The following SSH2 variants were observed in gnomAD, a reference collection of about 807,000 sequenced individuals.
The protein encoded by SSH2 is protein phosphatase Slingshot homolog 2.
In SSH2, 37 loss-of-function variants were observed where a neutral mutation model predicts 135.2. The ratio of observed to expected loss-of-function variants is 0.27; its 90% confidence interval spans 0.21 to 0.36. The LOEUF is 0.36. Ranked by LOEUF, SSH2 falls within the 10% of genes least tolerant of loss-of-function variation. The pLI, the probability that SSH2 is intolerant of heterozygous loss-of-function variation, is 1.00. For missense variants in SSH2, 1,408 were observed against 1,765.3 expected, an observed-to-expected ratio of 0.80 and a Z score of 3.63; for synonymous variants, 628 against 646.2, an observed-to-expected ratio of 0.97 and a Z score of 0.43.
chr17:29,755,950 C>T (rs1407580718), intron 3 of SSH2, among the ~76,000 whole-genome samples: 1 of 148,398 alleles, frequency 6.7e-6, no homozygotes, highest in Admixed American at 6.7e-5. Context: ...GGTGAGCCAC[C>T]GCGCCAGCTA....
chr17:29,734,531 CT>C (rs1356678808), intron 3 of SSH2, among the ~76,000 whole-genome samples: 3 of 152,298 alleles, frequency 2.0e-5, no homozygotes, highest in East Asian at 3.9e-4. Flanking sequence ...GTCTTCATCC[CT>C]AAACCTCCTA....
At position 29,636,437 on chromosome 17, in the gene SSH2, T is replaced by G; in HGVS notation, c.1793A>C (p.His598Pro). The G allele has an allele frequency of 1.9e-6, 3 of 1,614,234 alleles. No individual in the cohort carries two copies. Among genetic ancestry groups the G allele is most frequent in the Non-Finnish European group, 2.5e-6 (3 of 1,180,038 alleles). Residue 598 changes from histidine to proline, a missense_variant, in exon 15 of 16, where the codon CAT (histidine) becomes CCT (proline). Physicochemically the swap from His to Pro is moderately conservative, Grantham distance 77 (BLOSUM62 -2). Transcript: ENST00000540801. ...AGGCTGAATTAAGGCTTTGGATGCATGGCAATTGTCAAGAGGAAATTTTGA... is the reference window on the plus strand; with the variant it reads ...AGGCTGAATTAAGGCTTTGGATGCAGGGCAATTGTCAAGAGGAAATTTTGA... Reference protein sequence around the residue: ...NESKFPLDNCHASKALIQPGH... With the variant: ...NESKFPLDNCPASKALIQPGH...
intron 14 of SSH2, among the ~76,000 whole-genome samples, chr17:29,637,140 C>T (rs1371539238): frequency 1.3e-5 from 2 of 152,048 alleles, no homozygotes; most frequent in East Asian, 1.9e-4. Context: ...TTCAGAGTCT[C>T]GCTTTGTTGC....
intron 2 of SSH2, among the ~76,000 whole-genome samples, chr17:29,829,972 T>C (rs1432453603): frequency 1.3e-5 from 2 of 151,850 alleles, no homozygotes; most frequent in African/African-American, 2.4e-5. Context: ...CCCGAGTAGC[T>C]GGGACTACAG....
chr17:29,896,721 C>G (rs2066451998), intron 1 of SSH2, among the ~76,000 whole-genome samples: 1 of 151,462 alleles, frequency 6.6e-6, no homozygotes, highest in African/African-American at 2.4e-5. Context: ...ATGTAAAATG[C>G]AGCCTACACA....
intron 5 of SSH2, among the ~76,000 whole-genome samples, chr17:29,685,851 T>A (rs900586756): frequency 4.0e-5 from 6 of 151,218 alleles, no homozygotes; most frequent in Non-Finnish European, 7.4e-5. Context: ...CTTTTCTTTT[T>A]CTTTTTTTTT....
At position 29,626,051 on chromosome 17, in the gene SSH2, A is replaced by G. The variant is rs1413304407; in HGVS notation, c.*4790T>C. On this transcript the variant is annotated 3_prime_UTR_variant, in exon 16 of 16. Coordinates refer to ENST00000540801, the MANE Select transcript of SSH2 (RefSeq NM_001282129.2). Reference sequence around the variant, plus strand: ...GAGCATATCTGTAATAAAAAAATCTATGATACAAGTGGAACATCCCAACCA... The same window carrying G: ...GAGCATATCTGTAATAAAAAAATCTGTGATACAAGTGGAACATCCCAACCA... The G allele has an allele frequency of 6.6e-6, 1 of 152,656 alleles. No homozygotes were observed. The highest frequency in any genetic ancestry group is 2.4e-5 in the African/African-American group (1 of 41,450). 9.5% of individuals were successfully genotyped at this position (152,656 alleles called of 1,614,324 possible). A position where few individuals can be genotyped will look rare whatever the true frequency, so the allele number is the denominator to read the frequency against.
chr17:29,811,050 C>T (rs774807199), intron 2 of SSH2, among the ~76,000 whole-genome samples: 7 of 152,040 alleles, frequency 4.6e-5, no homozygotes, highest in Non-Finnish European at 7.4e-5. Context: ...AGGTGGAGTG[C>T]GGTGGCACAA....
intron 3 of SSH2, among the ~76,000 whole-genome samples, chr17:29,773,018 T>C (rs1045803548): frequency 7.8e-6 from 1 of 128,006 alleles, no homozygotes; most frequent in Non-Finnish European, 1.7e-5. Context: ...ATTCCCCATC[T>C]GTCCATCCAT....
chr17:29,643,583 C>A (rs2036252931), intron 14 of SSH2, among the ~76,000 whole-genome samples: 1 of 152,042 alleles, frequency 6.6e-6, no homozygotes, highest in African/African-American at 2.4e-5. Context: ...AACCTTTGCA[C>A]CTTGGGTTCA....
chr17:29,850,423 C>T (rs1019219180), intron 1 of SSH2, among the ~76,000 whole-genome samples: 2 of 152,172 alleles, frequency 1.3e-5, no homozygotes, highest in African/African-American at 4.8e-5. Flanking sequence ...CTAGTTGATT[C>T]CTACTTTAAT....
chr17:29,760,982 G>A, intron 3 of SSH2: 1 of 567,746 alleles, frequency 1.8e-6, no homozygotes, highest in South Asian at 1.8e-5. Context: ...TCCCCCCACC[G>A]TTCTACCCCA....
intron 1 of SSH2, among the ~76,000 whole-genome samples, chr17:29,898,378 G>A (rs1416321505): frequency 2.6e-5 from 4 of 151,800 alleles, no homozygotes; most frequent in African/African-American, 7.3e-5. Context: ...TTGATAGACC[G>A]CTAGCAAGAC....
chr17:29,814,685 A>T (rs940220064), intron 2 of SSH2, among the ~76,000 whole-genome samples: 5 of 151,962 alleles, frequency 3.3e-5, no homozygotes, highest in African/African-American at 1.2e-4. Flanking sequence ...GTAAATTAAA[A>T]AACTGCCACG....
At chr17:29,836,827 G>A (rs1393226689) in intron 2 of SSH2, among the ~76,000 whole-genome samples, 1 of 152,176 alleles carries the variant, frequency 6.6e-6, no homozygotes, top group Non-Finnish European at 1.5e-5. Context: ...CTGAGATTAA[G>A]AATTTGTTAA....
chr17:29,655,547 C>T lies in SSH2; in HGVS notation c.1079+14G>A, dbSNP rs117076780. On this transcript the variant is annotated intron_variant, in intron 12 of 15. Transcript: ENST00000540801. ...TGTTACACAGGGGTGCCAGCTATTG[C>T]TTTGTGTGCTTACCCTCGGTTCTGT... is the stretch of plus-strand genomic sequence containing the variant. The T allele has an allele frequency of 1.7e-3, 2,761 of 1,613,786 alleles. 19 individuals carry two copies. The highest frequency in any genetic ancestry group is 2.1e-3 in the Non-Finnish European group (2,423 of 1,179,682).
At chr17:29,856,838 C>A (rs1361551143) in intron 1 of SSH2, among the ~76,000 whole-genome samples, 2 of 152,154 alleles carry the variant, frequency 1.3e-5, no homozygotes, top group Non-Finnish European at 2.9e-5. Context: ...GCACACTGCA[C>A]CTATTTTTCT....
chr17:29,668,231 C>T (rs2037355085), intron 9 of SSH2, among the ~76,000 whole-genome samples: 1 of 152,222 alleles, frequency 6.6e-6, no homozygotes, highest in Admixed American at 6.5e-5. Context: ...GATGGATGCT[C>T]CAACCCCACA....
At chr17:29,872,793 C>G (rs917039758) in intron 1 of SSH2, among the ~76,000 whole-genome samples, 2 of 151,814 alleles carry the variant, frequency 1.3e-5, no homozygotes, top group South Asian at 4.2e-4. Flanking sequence ...TCCAAGAGTT[C>G]GAGACCAGCC....
Sources: allele counts gnomAD v4.1 joint callset (sites outside exome capture counted in the v4.1 genomes callset), GRCh38; gene constraint gnomAD v4.1.1; transcripts MANE v1.5; gene names NCBI Gene and HGNC (gene_info 2026-07-23, HGNC 2026-07-21).